Variants in NLRP1 observed in about 807,000 individuals in gnomAD.
NLRP1 encodes the protein NACHT, LRR and PYD domains-containing protein 1.
Under a neutral mutation model 136.7 loss-of-function variants are expected in NLRP1, and 94 were observed. The ratio of observed to expected loss-of-function variants is 0.69; its 90% CI spans 0.58 to 0.82. The LOEUF (loss-of-function observed/expected upper bound fraction) is 0.82. NLRP1 is among the 40% of genes least tolerant of loss of function. NLRP1 has a pLI of 0.00. For missense variants in NLRP1, 1,575 were observed against 1,802.7 expected, an observed-to-expected ratio of 0.87 and a Z score of 2.29; for synonymous variants, 690 against 725.1, an observed-to-expected ratio of 0.95 and a Z score of 0.78.
chr17:5,531,071 G>A (rs994225068), intron 11 of NLRP1, among the ~76,000 whole-genome samples: 4 of 152,116 alleles, frequency 2.6e-5, no homozygotes, highest in East Asian at 3.8e-4. Context: ...ACAAGTGTTC[G>A]TATATGTAAG....
At chr17:5,569,456 A>G (rs180797886) in intron 3 of NLRP1, among the ~76,000 whole-genome samples, 72 of 152,274 alleles carry the variant, frequency 4.7e-4, no homozygotes, top group African/African-American at 1.7e-3. Context: ...AAAACAAACA[A>G]AAGCACGGAT....
At chr17:5,501,980 C>T (rs548828598) in intron 15 of NLRP1, 2 of 959,378 alleles carry the variant, frequency 2.1e-6, no homozygotes, top group Non-Finnish European at 3.3e-6. Flanking sequence ...AAACTGCCAT[C>T]AGAGAACTCC....
chr17:5,568,668 C>T (rs1186311644), intron 3 of NLRP1, among the ~76,000 whole-genome samples: 2 of 152,088 alleles, frequency 1.3e-5, no homozygotes, highest in Admixed American at 1.3e-4. Context: ...TCTTCACTGT[C>T]CAGGCTTATT....
Position 5,521,761 on chromosome 17 carries a change from G to C in NLRP1, c.3546C>G (p.Phe1182Leu), listed in dbSNP as rs1172745213. Residue 1182 changes from phenylalanine to leucine, a missense_variant, in exon 13 of 17, where the codon TTC becomes TTG. Physicochemically the swap from Phe to Leu is conservative, Grantham distance 22. Coordinates refer to ENST00000572272, the MANE Select transcript of NLRP1 (RefSeq NM_033004.4). ...LQGGHVDTSL[F>L]QMAHFKEEGM... is the part of the protein sequence containing the mutation. ...CCTCCTCTTTAAAGTGGGCCATTTGGAACAGGGATGTGTCCACATGGCCCC... is the reference window on the plus strand; with the variant it reads ...CCTCCTCTTTAAAGTGGGCCATTTGCAACAGGGATGTGTCCACATGGCCCC... 1 of 1,610,442 alleles carries C rather than the reference G, an allele frequency of 6.2e-7. No individual in the cohort carries two copies. Among genetic ancestry groups the C allele is most frequent in the Non-Finnish European group, 8.5e-7 (1 of 1,178,510 alleles).
intron 3 of NLRP1, among the ~76,000 whole-genome samples, chr17:5,568,732 T>A (rs1399730765): frequency 6.6e-6 from 1 of 152,200 alleles, no homozygotes; most frequent in Non-Finnish European, 1.5e-5. Context: ...TTGAGTTTTG[T>A]GATCTAAGGC....
At chr17:5,547,857 T>C (rs1912873924) in intron 5 of NLRP1, among the ~76,000 whole-genome samples, 1 of 152,232 alleles carries the variant, frequency 6.6e-6, no homozygotes, top group Non-Finnish European at 1.5e-5. Flanking sequence ...ATGAACAATC[T>C]CTTGATTGCT....
In NLRP1 at chr17:5,542,012, G is replaced by A; in HGVS notation, c.2544C>T (p.Gly848=). ...LLETLRLAGC[G]LTAEDCKDLA... ...GGTCCTTGCAGTCCTCAGCTGTGAG[G>A]CCACAGCCAGCCAACCTGTGGAAGA... The change falls in exon 6 of 17, where the codon GGC becomes GGT. Residue 848 remains glycine (G), a synonymous_variant. Coordinates refer to ENST00000572272, the MANE Select transcript of NLRP1 (RefSeq NM_033004.4). 1 of 1,613,280 alleles carries A rather than the reference G, an allele frequency of 6.2e-7. No individual in the cohort carries two copies. The highest frequency in any genetic ancestry group is 8.5e-7 in the Non-Finnish European group (1 of 1,179,742).
chr17:5,572,709 CAGA>C lies in NLRP1; in HGVS notation c.652+9147_652+9149del, dbSNP rs1230041305. On this transcript the variant is annotated intron_variant, in intron 3 of 16. Transcript: ENST00000572272. Reference sequence around the variant, plus strand: ...TGGATGACAGTGTGATACTTTGTCTCAGAAAAAAAAAAAAAAAAAAGTGGACAA... The same window carrying C: ...TGGATGACAGTGTGATACTTTGTCTCAAAAAAAAAAAAAAAAAGTGGACAA... Among the ~76,000 whole-genome samples, 303 of 77,250 alleles carry C rather than the reference CAGA, an allele frequency of 3.9e-3. 1 individual carries two copies. Among genetic ancestry groups the C allele is most frequent in the African/African-American group, 0.012 (294 of 24,416 alleles). 50.7% of individuals were successfully genotyped at this position (77,250 alleles called of 152,430 possible).
rs1597458645 is a variant in NLRP1, at chr17:5,558,555, T to G, written c.2141A>C (p.His714Pro). 6 of 1,613,390 alleles carry G rather than the reference T, an allele frequency of 3.7e-6. No individual in the cohort carries two copies. Among genetic ancestry groups the G allele is most frequent in the Non-Finnish European group, 5.1e-6 (6 of 1,179,832 alleles). The change falls in exon 4 of 17, where the codon CAC becomes CCC. Residue 714 changes from histidine to proline, a missense_variant. Transcript: ENST00000572272. The part of the protein sequence containing the change: ...VPSLQLLLQP[H>P]SLESLHCLYE... ...CAAGCAGTGGAGGGACTCCAGAGAG[T>G]GTGGCTGCAGCAGCAGCTGCAGGGA...
chr17:5,527,800 T>C (rs1191717975), intron 12 of NLRP1, among the ~76,000 whole-genome samples: 2 of 152,226 alleles, frequency 1.3e-5, no homozygotes, highest in African/African-American at 2.4e-5. Flanking sequence ...AGGCTTCAGC[T>C]AGATGCCTGT....
chr17:5,515,479 G>A lies in NLRP1; in HGVS notation c.4096C>T (p.Arg1366Cys), dbSNP rs2137722. 97,877 of 1,612,110 alleles carry A rather than the reference G, an allele frequency of 0.061. 4,118 individuals carry two copies. Among genetic ancestry groups the A allele is most frequent in the South Asian group, 0.18 (16,148 of 90,968 alleles). Residue 1366 changes from arginine (R) to cysteine (C), a missense_variant, in exon 16 of 17, where the codon CGC becomes TGC. By Grantham distance (180) the Arg-to-Cys change is radical. Coordinates refer to ENST00000572272, the MANE Select transcript of NLRP1 (RefSeq NM_033004.4). ...MPATTLIPPA[R>C]IAVPSPLDAP... ...TCTGAGAGCTGTTACTGACCTATGC[G>A]GGCTGGAGGGATCAGAGTAGTTGCA...
intron 12 of NLRP1, among the ~76,000 whole-genome samples, chr17:5,524,709 C>T (rs188316273): frequency 2.0e-5 from 3 of 152,202 alleles, no homozygotes; most frequent in Non-Finnish European, 4.4e-5. Context: ...TCCAAGGCCA[C>T]ACAACCAGCC....
At chr17:5,542,328 C>G (rs1911976360) in intron 5 of NLRP1, among the ~76,000 whole-genome samples, 2 of 152,180 alleles carry the variant, frequency 1.3e-5, no homozygotes, top group Admixed American at 1.3e-4. Flanking sequence ...CTCATCATCT[C>G]TGTCCTCATC....
intron 15 of NLRP1, chr17:5,502,291 CTTTT>C (rs35078343): frequency 1.1e-3 from 163 of 154,624 alleles, no homozygotes; most frequent in South Asian, 4.6e-3. Flanking sequence ...GGTGCAGTTC[CTTTT>C]TTTTTTTTTT....
chr17:5,575,072 C>G (rs1339681983), intron 3 of NLRP1, among the ~76,000 whole-genome samples: 1 of 152,088 alleles, frequency 6.6e-6, no homozygotes, highest in Non-Finnish European at 1.5e-5. Flanking sequence ...CAAGCAAATG[C>G]TGAGAGATTT....
rs574933878 is a variant in NLRP1 at position 5,536,780 on chromosome 17, T to C, written c.2960+71A>G. 40 of 1,089,752 alleles carry C rather than the reference T, an allele frequency of 3.7e-5. 1 individual carries two copies. The South Asian group carries it at 4.7e-4, about 13-fold the overall frequency. The allele number at this position is 1,089,752 out of a possible 1,614,324, so 67.5% of individuals were successfully genotyped here. ...CTGGCTGTGTTTGTCTCTCACCCCA[T>C]GGCTCTTTCCCTGTCTCCTGCTCAG... On this transcript the variant is annotated intron_variant, in intron 8 of 16. Coordinates refer to ENST00000572272, the MANE Select transcript of NLRP1 (RefSeq NM_033004.4).
chr17:5,516,598 G>C (rs1452502955), intron 15 of NLRP1, among the ~76,000 whole-genome samples: 1 of 152,222 alleles, frequency 6.6e-6, no homozygotes, highest in African/African-American at 2.4e-5. Flanking sequence ...TACTGCATGA[G>C]GCATGTATAG....
At chr17:5,531,639 T>G (rs1910284335) in intron 11 of NLRP1, among the ~76,000 whole-genome samples, 1 of 152,194 alleles carries the variant, frequency 6.6e-6, no homozygotes, top group Non-Finnish European at 1.5e-5. Flanking sequence ...TGCCCCAGCT[T>G]CTGTAGGTGT....
chr17:5,511,153 G>A (rs775510311), downstream of NLRP1, among the ~76,000 whole-genome samples: 4 of 152,102 alleles, frequency 2.6e-5, no homozygotes, highest in African/African-American at 7.2e-5. Flanking sequence ...GATCCAGGCC[G>A]GGCACGGTGG....
Sources: allele counts gnomAD v4.1 joint callset (sites outside exome capture counted in the v4.1 genomes callset), GRCh38; gene constraint gnomAD v4.1.1; transcripts MANE v1.5; gene names NCBI Gene and HGNC (gene_info 2026-07-23, HGNC 2026-07-21).